The following SYNE2 variants were observed in gnomAD, a reference collection of about 807,000 sequenced individuals.
SYNE2 encodes the protein nesprin-2.
Under a neutral mutation model 856.3 loss-of-function variants are expected in SYNE2, and 431 were observed. The observed-to-expected ratio is 0.50, with a 90% CI of 0.47 to 0.55. The LOEUF (loss-of-function observed/expected upper bound fraction) is 0.55. Among genes scored for constraint, SYNE2 ranks in the 20% least tolerant of loss-of-function variants. The probability of loss-of-function intolerance (pLI) is 0.00; values close to 1 mark genes in which losing one functional copy is unlikely to be tolerated. For synonymous variants in SYNE2, 2,923 were observed against 2,872.3 expected (o/e 1.02, Z -0.56); for missense variants, 8,129 against 8,023.2 (o/e 1.01, Z -0.50).
chr14:64,216,565 A>G, intron 108 of SYNE2, 178 bp downstream of exon 108: 1 of 748,110 alleles, frequency 1.3e-6, no homozygotes, highest in African/African-American at 1.7e-5. Context: ...AACCCCGGCA[A>G]AACCGATTAG....
chr14:63,898,517 G>A (rs978168000), intron 1 of SYNE2, among the ~76,000 whole-genome samples: 6 of 152,004 alleles, frequency 3.9e-5, no homozygotes, highest in African/African-American at 9.7e-5. Flanking sequence ...CGATCCACCC[G>A]CCACAGCCAC....
chr14:64,216,038 C>T, intron 107 of SYNE2: 1 of 1,471,998 alleles, frequency 6.8e-7, no homozygotes, highest in Non-Finnish European at 9.0e-7. Context: ...GTTGGTCGTG[C>T]TCCGTTGTGT....
chr14:64,158,677 A>G lies in SYNE2; in HGVS notation c.15845A>G (p.Tyr5282Cys). The G allele has an allele frequency of 6.2e-7, 1 of 1,614,052 alleles. No individual in the cohort carries two copies. The change falls in exon 86 of 116, where the codon TAT becomes TGT. Residue 5282 changes from tyrosine (Y) to cysteine (C), a missense_variant. Around this residue, in one of 3 missense-constraint regions of SYNE2, gnomAD observed 5,410 missense variants for 5,284.8 expected, o/e 1.02. Transcript: ENST00000555002. ...MQSVLQEWKI[Y>C]DQLYDEVNMM... ...TCAGTTTTACAGGAGTGGAAGATTTATGATCAACTCTATGATGAAGTGAAT... is the reference window on the plus strand; with the variant it reads ...TCAGTTTTACAGGAGTGGAAGATTTGTGATCAACTCTATGATGAAGTGAAT...
chr14:63,852,754 G>T (rs564213890), upstream of SYNE2, among the ~76,000 whole-genome samples: 680 of 152,268 alleles, frequency 4.5e-3, 2 homozygotes, highest in African/African-American at 0.015. Flanking sequence ...CCAGCCCCGG[G>T]TAAGAAAAGG....
intron 96 of SYNE2, among the ~76,000 whole-genome samples, chr14:64,179,010 G>C (rs969943820): frequency 6.6e-6 from 1 of 152,096 alleles, no homozygotes; most frequent in African/African-American, 2.4e-5. Context: ...CCAGTAGGTC[G>C]AGGATACAGT....
chr14:63,893,758 C>T (rs367924446), intron 1 of SYNE2, among the ~76,000 whole-genome samples: 2 of 152,176 alleles, frequency 1.3e-5, no homozygotes, highest in South Asian at 2.1e-4. Flanking sequence ...TTCACAGGGC[C>T]AGGGTAGGCT....
Position 64,215,340 on chromosome 14 carries a change from T to A in SYNE2, c.19388T>A (p.Leu6463Ter). Residue 6463 changes from leucine to a stop codon, truncating the protein, a stop_gained, in exon 107 of 116, where the codon TTG becomes TAG. Coordinates refer to ENST00000555002, the MANE Select transcript of SYNE2 (RefSeq NM_182914.3). LOFTEE classifies it high-confidence loss of function. ...EAYLKMTTKT[L>*]KASSGKSISD... ...TATCTTAAAATGACCACAAAAACTT[T>A]GAAAGCGTCTTCTGGTAGGCCCCCG... 1 of 1,614,148 alleles carries A rather than the reference T, an allele frequency of 6.2e-7. No individual in the cohort carries two copies. The highest frequency in any genetic ancestry group is 8.5e-7 in the Non-Finnish European group (1 of 1,180,022).
intron 1 of SYNE2, among the ~76,000 whole-genome samples, chr14:63,817,095 C>T (rs181622494): frequency 1.3e-5 from 2 of 152,126 alleles, no homozygotes; most frequent in East Asian, 1.9e-4. Flanking sequence ...CCCTTGGATT[C>T]GACAATTCCA....
At chr14:63,886,954 A>C (rs2140841324) in intron 1 of SYNE2, among the ~76,000 whole-genome samples, 1 of 152,300 alleles carries the variant, frequency 6.6e-6, no homozygotes, top group South Asian at 2.1e-4. Context: ...GCCACTGGCC[A>C]TCATTCTTTA....
At chr14:64,008,639 C>A (rs1430150201) in intron 31 of SYNE2, among the ~76,000 whole-genome samples, 1 of 152,144 alleles carries the variant, frequency 6.6e-6, no homozygotes, top group African/African-American at 2.4e-5. Flanking sequence ...GGAATATCCT[C>A]TGTCCATCCC....
intron 1 of SYNE2, among the ~76,000 whole-genome samples, chr14:63,856,918 C>T (rs1356319262): frequency 1.3e-5 from 2 of 152,098 alleles, no homozygotes; most frequent in Non-Finnish European, 2.9e-5. Flanking sequence ...TACAGGTGCA[C>T]ACTACCATGC....
At position 64,202,785 on chromosome 14, in the gene SYNE2, C is replaced by A. The variant is rs765634096; in HGVS notation, c.18039-16C>A. On this transcript the variant is annotated splice_polypyrimidine_tract_variant and intron_variant, in intron 99 of 115. Transcript: ENST00000555002. ...TTTTTTTTTGTTTCGTTTTGTTTTT[C>A]TGCAAATATGTGTAGGGTGAAGAAG... 12 of 1,612,900 alleles carry A rather than the reference C, an allele frequency of 7.4e-6. No homozygotes were observed. In the Admixed American group the frequency reaches 1.0e-4, roughly 13 times the overall value.
chr14:63,923,804 CTT>C (rs527470602), intron 2 of SYNE2, among the ~76,000 whole-genome samples: 6 of 144,658 alleles, frequency 4.1e-5, no homozygotes, highest in African/African-American at 5.0e-5. Context: ...GATTTTAGAA[CTT>C]TTTTTTTTTT....
At chr14:63,943,723 T>C (rs2095966114) in intron 6 of SYNE2, among the ~76,000 whole-genome samples, 1 of 151,484 alleles carries the variant, frequency 6.6e-6, no homozygotes, top group Admixed American at 6.6e-5. Context: ...CAGGCTGGAG[T>C]GCAGTGGCAC....
intron 1 of SYNE2, among the ~76,000 whole-genome samples, chr14:63,869,571 G>A (rs1315269175): frequency 4.9e-5 from 7 of 143,894 alleles, no homozygotes; most frequent in Non-Finnish European, 1.5e-5. Context: ...AGGGGGCAGA[G>A]GTTGCAGTGA....
In SYNE2 at chr14:64,090,961, T is replaced by C. The variant is rs1215583750; in HGVS notation, c.11889T>C (p.Pro3963=). 1 of 1,614,120 alleles carries C rather than the reference T, an allele frequency of 6.2e-7. No homozygotes were observed. ...ELRLPQTGMK[P]LPVFQRTNQL... is the part of the protein sequence containing the mutation. Reference sequence around the variant, plus strand: ...GGTTGCCCCAAACAGGAATGAAACCTCTGCCTGTGTTTCAGCGGACAAATC... The same window carrying C: ...GGTTGCCCCAAACAGGAATGAAACCCCTGCCTGTGTTTCAGCGGACAAATC... Residue 3963 remains proline, a synonymous_variant, in exon 60 of 116, where the codon CCT becomes CCC. Coordinates refer to ENST00000555002, the MANE Select transcript of SYNE2 (RefSeq NM_182914.3).
intron 39 of SYNE2, 104 bp downstream of exon 39, chr14:64,024,563 T>G: frequency 1.8e-6 from 2 of 1,136,166 alleles, no homozygotes; most frequent in South Asian, 2.7e-5. Flanking sequence ...ACACACAAAT[T>G]TCACACACAA....
intron 27 of SYNE2, among the ~76,000 whole-genome samples, chr14:63,999,485 G>A (rs560647832): frequency 3.3e-4 from 50 of 152,248 alleles, no homozygotes; most frequent in South Asian, 2.5e-3. Flanking sequence ...TAAAATTGCT[G>A]TACAGTGATT....
chr14:63,948,991 C>T (rs1259703387), intron 6 of SYNE2, among the ~76,000 whole-genome samples: 3 of 151,412 alleles, frequency 2.0e-5, no homozygotes, highest in Non-Finnish European at 4.4e-5. Context: ...TCTGTACGCT[C>T]GTGAAAGGAA....
Sources: gnomAD v4.1 joint callset for allele counts (sites outside exome capture counted in the v4.1 genomes callset) on GRCh38, gnomAD v4.1.1 for gene constraint, gnomAD v4.1.1 regional missense constraint, MANE v1.5 for transcripts, NCBI Gene and HGNC (gene_info 2026-07-23, HGNC 2026-07-21) for gene names.